The following RNF220 variants were observed in gnomAD, a reference collection of about 807,000 sequenced individuals.
RNF220 encodes the protein E3 ubiquitin-protein ligase RNF220.
A neutral mutation model predicts 67.1 loss-of-function variants in RNF220; 7 were observed. That is an observed-to-expected ratio of 0.10 (90% CI 0.06 to 0.20). RNF220 has a LOEUF of 0.20. RNF220 is among the 10% of genes least tolerant of loss of function. The pLI is 1.00. For synonymous variants in RNF220, 270 were observed against 283.2 expected, an observed-to-expected ratio of 0.95 and a Z score of 0.47; for missense variants, 565 against 740.3, an observed-to-expected ratio of 0.76 and a Z score of 2.75.
intron 2 of RNF220, among the ~76,000 whole-genome samples, chr1:44,596,617 C>G (rs988524384): frequency 1.3e-5 from 2 of 151,994 alleles, no homozygotes; most frequent in Admixed American, 6.6e-5. Context: ...TTAGTGTTAC[C>G]ACTTCCCTCA....
intron 2 of RNF220, among the ~76,000 whole-genome samples, chr1:44,501,742 G>A (rs1039505365): frequency 6.6e-6 from 1 of 152,056 alleles, no homozygotes; most frequent in Admixed American, 6.6e-5. Context: ...CTGACTTTGT[G>A]ACAAGTGCAG....
At chr1:44,580,929 C>G (rs1017780957) in intron 2 of RNF220, among the ~76,000 whole-genome samples, 6 of 152,244 alleles carry the variant, frequency 3.9e-5, no homozygotes, top group Non-Finnish European at 8.8e-5. Flanking sequence ...CCAGGCCTTG[C>G]TCTTCCCTTG....
rs271617 is a variant in RNF220 at position 44,543,967 on chromosome 1, G to A, written c.626-70198G>A. On this transcript the variant is annotated intron_variant, in intron 2 of 14. Transcript: ENST00000361799. ...GCCTGGGCCCGGGGTGAGAACTCTTGCATTATGCCCAGTTGCCCGGAACTG... is the reference window on the plus strand; with the variant it reads ...GCCTGGGCCCGGGGTGAGAACTCTTACATTATGCCCAGTTGCCCGGAACTG... 2.6e-3 allele frequency among the ~76,000 whole-genome samples: 393 copies of A among 152,332 alleles called. 1 individual carries two copies. Among genetic ancestry groups the A allele is most frequent in the African/African-American group, 8.8e-3 (366 of 41,576 alleles).
intron 2 of RNF220, among the ~76,000 whole-genome samples, chr1:44,471,155 G>A (rs987611527): frequency 1.3e-5 from 2 of 152,258 alleles, no homozygotes; most frequent in Non-Finnish European, 2.9e-5. Flanking sequence ...GCTGAGTGCA[G>A]TGGTTCATGC....
chr1:44,430,209 C>T (rs749313068), intron 2 of RNF220, among the ~76,000 whole-genome samples: 30 of 151,884 alleles, frequency 2.0e-4, no homozygotes, highest in Non-Finnish European at 1.5e-4. Flanking sequence ...TAGGAAGAAG[C>T]GAGTAAGACT....
chr1:44,526,588 T>G (rs1162237620), intron 2 of RNF220, among the ~76,000 whole-genome samples: 1 of 152,080 alleles, frequency 6.6e-6, no homozygotes, highest in Non-Finnish European at 1.5e-5. Context: ...CCTGGGCCCA[T>G]CACTCCTCCT....
At chr1:44,632,293 G>T (rs1028055320) in intron 5 of RNF220, 50 bp from the exon 6 acceptor site, 1 of 1,613,838 alleles carries the variant, frequency 6.2e-7, no homozygotes, top group Admixed American at 1.7e-5. Flanking sequence ...TGCAGGCCGC[G>T]CCTGACGCTC....
intron 2 of RNF220, among the ~76,000 whole-genome samples, chr1:44,549,628 A>T (rs1662460978): frequency 6.6e-6 from 1 of 151,766 alleles, no homozygotes; most frequent in East Asian, 1.9e-4. Flanking sequence ...CATTCTAGTG[A>T]CCCCTTCCTC....
intron 2 of RNF220, among the ~76,000 whole-genome samples, chr1:44,534,485 T>C (rs1661056466): frequency 1.3e-5 from 2 of 152,192 alleles, no homozygotes; most frequent in South Asian, 4.1e-4. Flanking sequence ...TCCCTGAACT[T>C]GATTCTTTAG....
chr1:44,561,067 G>T (rs565790698), intron 2 of RNF220, among the ~76,000 whole-genome samples: 2 of 152,356 alleles, frequency 1.3e-5, no homozygotes, highest in African/African-American at 4.8e-5. Flanking sequence ...AATCAGACAT[G>T]CATCCTGCCC....
chr1:44,622,161 C>T lies in RNF220; in HGVS notation c.759-581C>T, dbSNP rs943465420. 6.6e-6 allele frequency among the ~76,000 whole-genome samples: 1 copy of T among 152,218 alleles called. No homozygotes were observed. Among genetic ancestry groups the T allele is most frequent in the African/African-American group, 2.4e-5 (1 of 41,456 alleles). Reference sequence around the variant, plus strand: ...AGTCCTCGCCTCCCCCACAGCCCATCCATCACCTCCCACCCCAGCCCCCGC... The same window carrying T: ...AGTCCTCGCCTCCCCCACAGCCCATTCATCACCTCCCACCCCAGCCCCCGC... On this transcript the variant is annotated intron_variant, in intron 3 of 14. Transcript: ENST00000361799. The surrounding 1 kb of genome is among the most constrained non-coding windows in gnomAD (Gnocchi z 4.3).
chr1:44,573,452 C>T (rs990867715), intron 2 of RNF220, among the ~76,000 whole-genome samples: 1 of 152,098 alleles, frequency 6.6e-6, no homozygotes, highest in African/African-American at 2.4e-5. Flanking sequence ...AGAGAAGAGA[C>T]CAGAATCTAC....
At position 44,546,081 on chromosome 1, in the gene RNF220, A is replaced by G. The variant is rs1662117253; in HGVS notation, c.626-68084A>G. On this transcript the variant is annotated intron_variant, in intron 2 of 14. Transcript: ENST00000361799. ...ACCAGACCATAGAACCAAAGTGGGT[A>G]GAAGGTTTGTAAAAGGAGGTGGAAG... Among the ~76,000 whole-genome samples, 4 of 152,192 alleles carry G rather than the reference A, an allele frequency of 2.6e-5. No homozygotes were observed. The South Asian group carries it at 8.3e-4, about 31-fold the overall frequency.
At chr1:44,493,407 G>A (rs868812268) in intron 2 of RNF220, among the ~76,000 whole-genome samples, 1 of 152,066 alleles carries the variant, frequency 6.6e-6, no homozygotes, top group Non-Finnish European at 1.5e-5. Context: ...CCAGCTACTC[G>A]GGAGGTTGAG....
intron 2 of RNF220, among the ~76,000 whole-genome samples, chr1:44,476,732 G>A (rs762929206): frequency 6.6e-5 from 10 of 152,234 alleles, no homozygotes; most frequent in Non-Finnish European, 2.9e-5. Flanking sequence ...GCTAGAGATA[G>A]CCTTGGGCTT....
At chr1:44,542,406 C>A (rs1661744139) in intron 2 of RNF220, among the ~76,000 whole-genome samples, 1 of 152,188 alleles carries the variant, frequency 6.6e-6, no homozygotes, top group South Asian at 2.1e-4. Flanking sequence ...ATGCCCTGCC[C>A]ATGCCCCTGT....
intron 2 of RNF220, among the ~76,000 whole-genome samples, chr1:44,556,965 G>C (rs1663144104): frequency 6.6e-6 from 1 of 152,006 alleles, no homozygotes; most frequent in South Asian, 2.1e-4. Flanking sequence ...TCTTTGCCCA[G>C]TGAGAACCCC....
intron 2 of RNF220, among the ~76,000 whole-genome samples, chr1:44,500,597 A>C (rs1390088782): frequency 6.6e-6 from 1 of 152,166 alleles, no homozygotes; most frequent in African/African-American, 2.4e-5. Flanking sequence ...CTCAATGAGT[A>C]CTTGTTGAAT....
chr1:44,427,107 T>C (rs1263389871), intron 2 of RNF220, among the ~76,000 whole-genome samples: 2 of 152,208 alleles, frequency 1.3e-5, no homozygotes, highest in African/African-American at 4.8e-5. Flanking sequence ...ATAAAATCCC[T>C]ACGAGATAGG....
Sources: allele counts gnomAD v4.1 joint callset (sites outside exome capture counted in the v4.1 genomes callset), GRCh38; gene constraint gnomAD v4.1.1; non-coding constraint Gnocchi (gnomAD v3.1); transcripts MANE v1.5; gene names NCBI Gene and HGNC (gene_info 2026-07-23, HGNC 2026-07-21).